Variants in PCDH9 observed in about 807,000 individuals in gnomAD.
PCDH9 encodes the protein protocadherin-9.
PCDH9 carries 24 observed loss-of-function variants against 70.6 expected under a neutral mutation model. The observed-to-expected ratio is 0.34, with a 90% CI of 0.25 to 0.48. The LOEUF (loss-of-function observed/expected upper bound fraction) is 0.48. PCDH9 is among the 20% of genes least tolerant of loss of function. The pLI, the probability that PCDH9 is intolerant of heterozygous loss-of-function variation, is 0.99. For synonymous variants in PCDH9, 562 were observed against 558.5 expected, an observed-to-expected ratio of 1.01 and a Z score of -0.09; for missense variants, 1,281 against 1,503.6, an observed-to-expected ratio of 0.85 and a Z score of 2.45.
intron 2 of PCDH9, among the ~76,000 whole-genome samples, chr13:67,184,079 A>G (rs991726559): frequency 1.2e-4 from 18 of 152,308 alleles, no homozygotes; most frequent in Middle Eastern, 3.4e-3. Flanking sequence ...TGTTTGCGGT[A>G]TAAATTTTCT....
intron 2 of PCDH9, among the ~76,000 whole-genome samples, chr13:67,121,742 A>G (rs1174872893): frequency 6.6e-6 from 1 of 152,198 alleles, no homozygotes; most frequent in Non-Finnish European, 1.5e-5. Flanking sequence ...AAGTTTAGAA[A>G]GTGGTCTGCA....
chr13:67,091,706 T>C (rs1566418980), intron 2 of PCDH9, among the ~76,000 whole-genome samples: 1 of 152,196 alleles, frequency 6.6e-6, no homozygotes, highest in South Asian at 2.1e-4. Context: ...ATTAGACTTA[T>C]AAAATGTATG....
At chr13:66,601,887 G>C (rs1159361890) in intron 4 of PCDH9, among the ~76,000 whole-genome samples, 1 of 146,256 alleles carries the variant, frequency 6.8e-6, no homozygotes, top group Non-Finnish European at 1.5e-5. Context: ...TCATATAAAA[G>C]TATGGCACAT....
At chr13:67,107,897 C>T (rs2086579599) in intron 2 of PCDH9, among the ~76,000 whole-genome samples, 2 of 152,222 alleles carry the variant, frequency 1.3e-5, no homozygotes, top group Non-Finnish European at 2.9e-5. Flanking sequence ...TCTGCGGTTC[C>T]TGGTGTCTCC....
At chr13:66,882,008 A>C (rs1387508364) in intron 3 of PCDH9, among the ~76,000 whole-genome samples, 2 of 152,174 alleles carry the variant, frequency 1.3e-5, no homozygotes, top group African/African-American at 4.8e-5. Context: ...CTCTCTTTAA[A>C]GTAAATTTAC....
intron 2 of PCDH9, among the ~76,000 whole-genome samples, chr13:67,066,540 A>G (rs1421294754): frequency 6.6e-6 from 1 of 152,126 alleles, no homozygotes; most frequent in Non-Finnish European, 1.5e-5. Flanking sequence ...GGCCTGGGTT[A>G]GTCAGTTTTA....
chr13:66,436,766 A>G (rs1291709866), intron 4 of PCDH9, among the ~76,000 whole-genome samples: 1 of 152,164 alleles, frequency 6.6e-6, no homozygotes, highest in Non-Finnish European at 1.5e-5. Context: ...ATAAAGTTAT[A>G]TATAACATAC....
intron 4 of PCDH9, among the ~76,000 whole-genome samples, chr13:66,329,788 G>C: frequency 6.6e-6 from 1 of 152,150 alleles, no homozygotes; most frequent in East Asian, 1.9e-4. Flanking sequence ...AGGCGGAATG[G>C]AAAGTATAAA....
intron 2 of PCDH9, among the ~76,000 whole-genome samples, chr13:67,066,270 G>A (rs2085646293): frequency 6.6e-6 from 1 of 151,448 alleles, no homozygotes; most frequent in African/African-American, 2.4e-5. Flanking sequence ...TTTCACTCTT[G>A]TTGCCCAGGC....
intron 3 of PCDH9, among the ~76,000 whole-genome samples, chr13:66,739,718 C>T (rs1335694244): frequency 2.0e-5 from 3 of 151,234 alleles, no homozygotes; most frequent in African/African-American, 7.3e-5. Context: ...AGACTTTAAA[C>T]CAACAAAGAT....
At chr13:66,830,276 A>T (rs56184220) in intron 3 of PCDH9, among the ~76,000 whole-genome samples, 2,613 of 152,242 alleles carry the variant, frequency 0.017, 70 homozygotes, top group African/African-American at 0.058. Context: ...TGACTGTTCA[A>T]CCTGGACTTG....
intron 3 of PCDH9, among the ~76,000 whole-genome samples, chr13:66,822,136 G>GCACACA (rs10701113): frequency 0.3 from 44,860 of 149,052 alleles, 6,933 homozygotes; most frequent in Admixed American, 0.35. Context: ...TCACACACGC[G>GCACACA]CACACACACA....
At chr13:66,849,448 A>T (rs1486017853) in intron 3 of PCDH9, among the ~76,000 whole-genome samples, 1 of 149,388 alleles carries the variant, frequency 6.7e-6, no homozygotes, top group Non-Finnish European at 1.5e-5. Flanking sequence ...ATATGACTAT[A>T]TATGACAATA....
chr13:66,667,154 G>C (rs1393977706), intron 3 of PCDH9, among the ~76,000 whole-genome samples: 1 of 152,136 alleles, frequency 6.6e-6, no homozygotes, highest in East Asian at 1.9e-4. Flanking sequence ...GGATCTAACA[G>C]TGGATACAAA....
intron 3 of PCDH9, among the ~76,000 whole-genome samples, chr13:66,640,496 T>TA (rs995903405): frequency 1.3e-5 from 2 of 150,456 alleles, no homozygotes; most frequent in African/African-American, 4.9e-5. Context: ...GCCAGACTGG[T>TA]AAAAAAGTTT....
At chr13:66,827,267 C>T (rs995185732) in intron 3 of PCDH9, among the ~76,000 whole-genome samples, 1 of 151,810 alleles carries the variant, frequency 6.6e-6, no homozygotes, top group African/African-American at 2.4e-5. Flanking sequence ...CTTCTGACCT[C>T]CCTCACTGTA....
chr13:66,559,259 G>A (rs768637050), intron 4 of PCDH9, among the ~76,000 whole-genome samples: 1 of 152,026 alleles, frequency 6.6e-6, no homozygotes, highest in African/African-American at 2.4e-5. Context: ...GTAAAGGATT[G>A]TGTAAACAAA....
At chr13:66,837,688 T>C (rs947875882) in intron 3 of PCDH9, among the ~76,000 whole-genome samples, 22 of 152,210 alleles carry the variant, frequency 1.4e-4, no homozygotes, top group East Asian at 7.7e-4. Context: ...TGATTCCTAC[T>C]AAGAAAAAGT....
Position 66,503,053 on chromosome 13 carries a change from G to C in PCDH9, c.3340+128157C>G, listed in dbSNP as rs187326172. On this transcript the variant is annotated intron_variant, in intron 4 of 4. Transcript: ENST00000377865. ...GTCATTCTGCTGAGCAGTCCAGGATGGGGGGAGGAAGGAAACATAAATATA... is the reference window on the plus strand; with the variant it reads ...GTCATTCTGCTGAGCAGTCCAGGATCGGGGGAGGAAGGAAACATAAATATA... Among the ~76,000 whole-genome samples, 6 of 152,132 alleles carry C rather than the reference G, an allele frequency of 3.9e-5. No homozygotes were observed. In the East Asian group the frequency reaches 9.7e-4, roughly 25 times the overall value.
Sources: gnomAD v4.1 joint callset for allele counts (sites outside exome capture counted in the v4.1 genomes callset) on GRCh38, gnomAD v4.1.1 for gene constraint, MANE v1.5 for transcripts, NCBI Gene and HGNC (gene_info 2026-07-23, HGNC 2026-07-21) for gene names.